Variants in KATNIP observed in about 807,000 individuals in gnomAD.
KATNIP encodes the protein katanin interacting protein, also known as katanin-interacting protein.
KATNIP carries 126 observed loss-of-function variants against 174.0 expected under a neutral mutation model. The observed-to-expected ratio is 0.72, with a 90% CI of 0.63 to 0.84. KATNIP has a LOEUF of 0.84. Ranked by LOEUF, KATNIP falls within the 40% of genes least tolerant of loss-of-function variation. The pLI is 0.00. For synonymous variants in KATNIP, 810 were observed against 835.7 expected, an observed-to-expected ratio of 0.97 and a Z score of 0.53; for missense variants, 1,958 against 2,109.7, an observed-to-expected ratio of 0.93 and a Z score of 1.41.
chr16:27,623,015 A>G (rs920821165), intron 3 of KATNIP, among the ~76,000 whole-genome samples: 14 of 152,130 alleles, frequency 9.2e-5, no homozygotes, highest in African/African-American at 3.1e-4. Flanking sequence ...GGAGCATCCT[A>G]GGTGACCTAC....
At chr16:27,769,760 C>T in intron 20 of KATNIP, 101 bp from the exon 21 acceptor site, 1 of 1,418,120 alleles carries the variant, frequency 7.1e-7, no homozygotes. Flanking sequence ...AAAGGCTCCC[C>T]ATGGTGAGCA....
chr16:27,652,130 A>G (rs1389360319), intron 6 of KATNIP, among the ~76,000 whole-genome samples: 1 of 152,232 alleles, frequency 6.6e-6, no homozygotes, highest in Non-Finnish European at 1.5e-5. Context: ...CATTCCGGAC[A>G]CTGAGGATAA....
In KATNIP at chr16:27,728,681, C is replaced by T. The variant is rs2080543970; in HGVS notation, c.1743+6986C>T. ...CTGACCTCAAGTGATCCACTTGCCT[C>T]AGCCTCCCAAAGTGCTGGGATTTAC... On this transcript the variant is annotated intron_variant, in intron 14 of 27. Transcript: ENST00000261588. Among the ~76,000 whole-genome samples, 4 of 152,324 alleles carry T rather than the reference C, an allele frequency of 2.6e-5. No individual in the cohort carries two copies. The South Asian group carries it at 8.3e-4, about 32-fold the overall frequency.
chr16:27,690,726 T>C (rs1345255078), intron 8 of KATNIP, among the ~76,000 whole-genome samples: 1 of 152,148 alleles, frequency 6.6e-6, no homozygotes, highest in Admixed American at 6.5e-5. Context: ...CCCTGGACTT[T>C]TTGCCACACA....
intron 2 of KATNIP, among the ~76,000 whole-genome samples, chr16:27,577,150 T>G (rs2141738318): frequency 6.6e-6 from 1 of 152,314 alleles, no homozygotes; most frequent in Non-Finnish European, 1.5e-5. Flanking sequence ...CATTTAAAAG[T>G]TGTGGATTTT....
intron 1 of KATNIP, among the ~76,000 whole-genome samples, chr16:27,561,213 G>T (rs1159490411): frequency 6.6e-6 from 1 of 151,480 alleles, no homozygotes; most frequent in East Asian, 1.9e-4. Flanking sequence ...AGTAGGGACG[G>T]GGTTTCACCA....
At chr16:27,687,566 A>T (rs1373387436) in intron 8 of KATNIP, 2 of 152,164 alleles carry the variant, frequency 1.3e-5, no homozygotes, top group Non-Finnish European at 2.9e-5. Flanking sequence ...CCCTAGTTCT[A>T]ATGAAAGGGC....
chr16:27,618,840 G>A (rs2076117034), intron 3 of KATNIP, among the ~76,000 whole-genome samples: 1 of 152,190 alleles, frequency 6.6e-6, no homozygotes, highest in South Asian at 2.1e-4. Context: ...GATTGTGCAG[G>A]CTTTGACAGT....
chr16:27,748,799 A>G (rs2081383915), intron 15 of KATNIP, among the ~76,000 whole-genome samples: 1 of 152,198 alleles, frequency 6.6e-6, no homozygotes, highest in South Asian at 2.1e-4. Context: ...AAAATTAAAA[A>G]GAAAGAAAAT....
chr16:27,638,784 C>T (rs556788619), intron 5 of KATNIP, among the ~76,000 whole-genome samples: 1 of 152,122 alleles, frequency 6.6e-6, no homozygotes, highest in South Asian at 2.1e-4. Flanking sequence ...CCACACAGCC[C>T]CCTTGCCTCC....
chr16:27,753,253 A>G (rs1201998366), intron 17 of KATNIP, among the ~76,000 whole-genome samples: 2 of 152,008 alleles, frequency 1.3e-5, no homozygotes, highest in African/African-American at 4.8e-5. Flanking sequence ...AAACCTCTCC[A>G]TTTAAAAATG....
intron 2 of KATNIP, among the ~76,000 whole-genome samples, chr16:27,596,965 G>A (rs2075356312): frequency 6.6e-6 from 1 of 151,978 alleles, no homozygotes. Flanking sequence ...AGAGGTTGCA[G>A]TGAGCCGAGA....
chr16:27,596,320 A>G (rs1433938832), intron 2 of KATNIP, among the ~76,000 whole-genome samples: 1 of 152,078 alleles, frequency 6.6e-6, no homozygotes, highest in Non-Finnish European at 1.5e-5. Context: ...GAGAGAGAGA[A>G]AAAAAACAAG....
chr16:27,581,339 G>C (rs574599334), intron 2 of KATNIP, among the ~76,000 whole-genome samples: 1 of 152,296 alleles, frequency 6.6e-6, no homozygotes, highest in African/African-American at 2.4e-5. Flanking sequence ...GGATCAAAGG[G>C]TGTGTGTTCT....
intron 1 of KATNIP, among the ~76,000 whole-genome samples, chr16:27,564,763 G>T (rs1157324932): frequency 2.0e-5 from 3 of 151,930 alleles, no homozygotes; most frequent in Non-Finnish European, 2.9e-5. Flanking sequence ...TTGCTTGCTT[G>T]CTTGCTTGCT....
chr16:27,628,607 A>G, intron 3 of KATNIP, 54 bp from the exon 4 acceptor site: 1 of 1,582,932 alleles, frequency 6.3e-7, no homozygotes, highest in South Asian at 1.1e-5. Context: ...TTGGGGGTAC[A>G]GCAGCCCAGA....
At chr16:27,701,217 G>A (rs1046718513) in intron 10 of KATNIP, among the ~76,000 whole-genome samples, 1 of 151,940 alleles carries the variant, frequency 6.6e-6, no homozygotes. Flanking sequence ...GAGTGCAGTG[G>A]CATGACCATA....
intron 2 of KATNIP, among the ~76,000 whole-genome samples, chr16:27,607,674 C>T (rs1458647958): frequency 6.7e-6 from 1 of 149,964 alleles, no homozygotes; most frequent in Non-Finnish European, 1.5e-5. Flanking sequence ...CTCAGCTCAC[C>T]ACAACCTCCG....
In KATNIP at chr16:27,558,473, A is replaced by C. The variant is rs77383919; in HGVS notation, c.7+8296A>C. ...TTTTGTTTTAATCTGAAAAAAAGGGAATATATTATCTGCCTTTAGAAACTT... is the reference window on the plus strand; with the variant it reads ...TTTTGTTTTAATCTGAAAAAAAGGGCATATATTATCTGCCTTTAGAAACTT... On this transcript the variant is annotated intron_variant, in intron 1 of 27. Coordinates refer to ENST00000261588, the MANE Select transcript of KATNIP (RefSeq NM_015202.5). Among the ~76,000 whole-genome samples, 27 of 152,296 alleles carry C rather than the reference A, an allele frequency of 1.8e-4. No homozygotes were observed. In the East Asian group the frequency reaches 5.2e-3, roughly 29 times the overall value.
Sources: gnomAD v4.1 joint callset for allele counts (sites outside exome capture counted in the v4.1 genomes callset) on GRCh38, gnomAD v4.1.1 for gene constraint, MANE v1.5 for transcripts, NCBI Gene and HGNC (gene_info 2026-07-23, HGNC 2026-07-21) for gene names.